ZNF804B: variants seen among roughly 807,000 people sequenced by gnomAD.
ZNF804B encodes the protein zinc finger 804B.
Under a neutral mutation model 101.4 loss-of-function variants are expected in ZNF804B, and 80 were observed. The observed-to-expected ratio is 0.79, with a 90% CI of 0.66 to 0.95. ZNF804B has a LOEUF of 0.95. ZNF804B is among the 40% of genes least tolerant of loss of function. The pLI is 0.00. For synonymous variants in ZNF804B, 622 were observed against 558.8 expected (o/e 1.11, Z -1.59); for missense variants, 1,673 against 1,561.9 (o/e 1.07, Z -1.20).
intron 2 of ZNF804B, among the ~76,000 whole-genome samples, chr7:89,306,175 AGAT>A (rs1171527182): frequency 3.3e-5 from 5 of 152,056 alleles, no homozygotes; most frequent in African/African-American, 1.2e-4. Context: ...AGATCAAAGA[AGAT>A]GATTTTTACC....
chr7:88,880,423 A>G (rs944429653), intron 1 of ZNF804B, among the ~76,000 whole-genome samples: 6 of 152,272 alleles, frequency 3.9e-5, no homozygotes, highest in African/African-American at 7.2e-5. Flanking sequence ...TCTAATTTCT[A>G]TTTTTTCCCA....
chr7:88,778,073 T>C (rs1038344334), intron 1 of ZNF804B, among the ~76,000 whole-genome samples: 4 of 152,162 alleles, frequency 2.6e-5, no homozygotes, highest in African/African-American at 9.7e-5. Flanking sequence ...TATTTTGCCA[T>C]TCTGTGGGTC....
intron 2 of ZNF804B, among the ~76,000 whole-genome samples, chr7:89,265,280 G>C (rs1789770760): frequency 1.0e-5 from 1 of 99,114 alleles, no homozygotes; most frequent in African/African-American, 3.8e-5. Context: ...GTGTGTGTGT[G>C]TGTGTGTGTG....
intron 1 of ZNF804B, among the ~76,000 whole-genome samples, chr7:88,790,325 T>C (rs962885041): frequency 2.6e-5 from 4 of 152,100 alleles, no homozygotes; most frequent in African/African-American, 9.7e-5. Context: ...ATTTTTTACG[T>C]AGGTAAATGT....
At chr7:89,218,409 A>C in intron 2 of ZNF804B, 114 bp downstream of exon 2, 1 of 1,273,914 alleles carries the variant, frequency 7.8e-7, no homozygotes, top group Non-Finnish European at 1.1e-6. Context: ...AGAACATTTT[A>C]TGTCTTTTTT....
chr7:89,076,412 T>C (rs1219965121), intron 1 of ZNF804B, among the ~76,000 whole-genome samples: 1 of 152,172 alleles, frequency 6.6e-6, no homozygotes, highest in Non-Finnish European at 1.5e-5. Flanking sequence ...ACTCCATCCA[T>C]GTAAGACGTG....
At chr7:88,952,639 A>G (rs988250385) in intron 1 of ZNF804B, among the ~76,000 whole-genome samples, 1 of 151,780 alleles carries the variant, frequency 6.6e-6, no homozygotes. Context: ...TTTTGTTCTT[A>G]ATGATCAAAA....
intron 1 of ZNF804B, among the ~76,000 whole-genome samples, chr7:89,072,389 C>T (rs1361575617): frequency 6.6e-6 from 1 of 152,112 alleles, no homozygotes; most frequent in Non-Finnish European, 1.5e-5. Flanking sequence ...CAGAAGATTG[C>T]ATAACTACTC....
rs1056822775 is a variant in ZNF804B at position 88,998,706 on chromosome 7, G to C, written c.109-219449G>C. Among the ~76,000 whole-genome samples the C allele has an allele frequency of 3.9e-5, 6 of 152,018 alleles. No homozygotes were observed. The East Asian group carries it at 1.2e-3, about 29-fold the overall frequency. On this transcript the variant is annotated intron_variant, in intron 1 of 3. Coordinates refer to ENST00000333190, the MANE Select transcript of ZNF804B (RefSeq NM_181646.5). Reference sequence around the variant, plus strand: ...TGGAGAAATTGATGGTAATGTCACAGAAACATAAAATGTTAAGAGAACTGG... The same window carrying C: ...TGGAGAAATTGATGGTAATGTCACACAAACATAAAATGTTAAGAGAACTGG...
intron 3 of ZNF804B, among the ~76,000 whole-genome samples, chr7:89,330,524 A>G (rs1026470234): frequency 6.6e-6 from 1 of 151,702 alleles, no homozygotes; most frequent in Non-Finnish European, 1.5e-5. Flanking sequence ...TAAAGCTTTA[A>G]TAATGTTATA....
chr7:89,057,433 C>T (rs1584099660), intron 1 of ZNF804B, among the ~76,000 whole-genome samples: 1 of 152,060 alleles, frequency 6.6e-6, no homozygotes, highest in Non-Finnish European at 1.5e-5. Context: ...TCAGACCATC[C>T]AATGACTGGA....
At chr7:88,979,110 G>C (rs531524379) in intron 1 of ZNF804B, among the ~76,000 whole-genome samples, 2 of 151,662 alleles carry the variant, frequency 1.3e-5, no homozygotes, top group Admixed American at 6.6e-5. Flanking sequence ...ACATTTATTG[G>C]TTCTATTTAT....
chr7:89,220,072 T>TGG (rs1788974577), intron 2 of ZNF804B, among the ~76,000 whole-genome samples: 1 of 61,330 alleles, frequency 1.6e-5, no homozygotes, highest in Non-Finnish European at 3.7e-5. Context: ...CGCACATATA[T>TGG]GTGTATATAC....
chr7:88,846,444 C>T (rs1282729529), intron 1 of ZNF804B, among the ~76,000 whole-genome samples: 1 of 152,176 alleles, frequency 6.6e-6, no homozygotes, highest in Non-Finnish European at 1.5e-5. Context: ...CACCTCAGGA[C>T]AAATGTTATA....
intron 1 of ZNF804B, among the ~76,000 whole-genome samples, chr7:88,952,261 A>G (rs184402930): frequency 4.7e-4 from 72 of 151,900 alleles, no homozygotes; most frequent in Admixed American, 4.5e-3. Context: ...ATTAATATGC[A>G]TGCATTCTCC....
At chr7:89,294,155 G>A (rs116793005) in intron 2 of ZNF804B, among the ~76,000 whole-genome samples, 62 of 152,250 alleles carry the variant, frequency 4.1e-4, no homozygotes, top group African/African-American at 1.5e-3. Flanking sequence ...AAGTAGTTAC[G>A]ATTCAGTAGA....
At chr7:89,200,987 A>G (rs1788624321) in intron 1 of ZNF804B, among the ~76,000 whole-genome samples, 1 of 152,000 alleles carries the variant, frequency 6.6e-6, no homozygotes. Flanking sequence ...AGTGATATTC[A>G]GGCATGCAAC....
At chr7:89,001,718 T>C (rs1455822865) in intron 1 of ZNF804B, among the ~76,000 whole-genome samples, 1 of 151,942 alleles carries the variant, frequency 6.6e-6, no homozygotes, top group Non-Finnish European at 1.5e-5. Context: ...ATAGTTACTT[T>C]CATTTAAATA....
intron 1 of ZNF804B, among the ~76,000 whole-genome samples, chr7:89,207,048 C>T (rs1788724636): frequency 6.6e-6 from 1 of 152,160 alleles, no homozygotes; most frequent in Non-Finnish European, 1.5e-5. Context: ...TGGTCAAAGC[C>T]ATTCAACAAG....
Sources: allele counts gnomAD v4.1 joint callset (sites outside exome capture counted in the v4.1 genomes callset), GRCh38; gene constraint gnomAD v4.1.1; transcripts MANE v1.5; gene names NCBI Gene and HGNC (gene_info 2026-07-23, HGNC 2026-07-21).